The following RRM2B variants were observed in gnomAD, a reference collection of about 807,000 sequenced individuals.
RRM2B encodes ribonucleotide reductase regulatory TP53 inducible subunit M2B.
Under a neutral mutation model 45.9 loss-of-function variants are expected in RRM2B, and 20 were observed. The ratio of observed to expected loss-of-function variants is 0.44; its 90% confidence interval spans 0.31 to 0.63. The LOEUF (loss-of-function observed/expected upper bound fraction) is 0.63, where lower values mean the gene tolerates loss of function less well. RRM2B is among the 30% of genes least tolerant of loss of function. The pLI is 0.09. For missense variants in RRM2B, 320 were observed against 414.7 expected (o/e 0.77, Z 1.98); for synonymous variants, 124 against 132.3 (o/e 0.94, Z 0.43).
At chr8:102,214,766 A>AAAATAAAT (rs28928604) in intron 6 of RRM2B, among the ~76,000 whole-genome samples, 2 of 149,906 alleles carry the variant, frequency 1.3e-5, no homozygotes, top group Admixed American at 6.6e-5. Flanking sequence ...AAAAAAATAA[A>AAAATAAAT]AAATAAATAA....
chr8:102,206,185 A>G lies in RRM2B; in HGVS notation c.*1948T>C, dbSNP rs926593167. On this transcript the variant is annotated 3_prime_UTR_variant, in exon 9 of 9. Coordinates refer to ENST00000251810, the MANE Select transcript of RRM2B (RefSeq NM_015713.5). ...ATATTCAATTAATGAGGAAATAGAC[A>G]AAAGCAAATCAACATAGATGGTAAA... 4.6e-5 allele frequency: 7 copies of G among 152,116 alleles called. No individual in the cohort carries two copies. The highest frequency in any genetic ancestry group is 4.6e-4 in the Admixed American group (7 of 15,272). 9.4% of individuals were successfully genotyped at this position (152,116 alleles called of 1,614,324 possible).
rs1347324619 is a variant in RRM2B at position 102,208,057 on chromosome 8, A to T, written c.*76T>A. The T allele has an allele frequency of 7.6e-7, 1 of 1,314,136 alleles. No homozygotes were observed. The highest frequency in any genetic ancestry group is 1.9e-5 in the Admixed American group (1 of 52,650). The allele number at this position is 1,314,136 out of a possible 1,614,324, so 81.4% of individuals were successfully genotyped here. On this transcript the variant is annotated 3_prime_UTR_variant, in exon 9 of 9. Transcript: ENST00000251810. ...CCAGTCCTTTAAAGGATATACTTAA[A>T]ATTTTTTTTAAGCAGAGGAAAATAG...
intron 6 of RRM2B, among the ~76,000 whole-genome samples, chr8:102,217,669 A>G (rs1232317189): frequency 6.6e-6 from 1 of 152,200 alleles, no homozygotes; most frequent in Non-Finnish European, 1.5e-5. Context: ...AAAGTCTAGC[A>G]GAAGAGAGAA....
rs775258767 is a variant in RRM2B, at chr8:102,225,993, T to C, written c.246A>G (p.Lys82=). The change falls in exon 3 of 9, where the codon AAA becomes AAG. Residue 82 remains lysine (K), a synonymous_variant. Coordinates refer to ENST00000251810, the MANE Select transcript of RRM2B (RefSeq NM_015713.5). ...GAGAGATGAAGTACTTCTCATCTGC[T>C]TTAAGCTTGTTCCAGTGAGGGAGAT... The part of the protein sequence containing the change: ...SKDLPHWNKL[K]ADEKYFISHI... 1.4e-5 allele frequency: 22 copies of C among 1,612,584 alleles called. No homozygotes were observed. The highest frequency in any genetic ancestry group is 1.7e-5 in the Non-Finnish European group (20 of 1,178,878).
At chr8:102,209,605 A>G (rs1810601525) in intron 8 of RRM2B, among the ~76,000 whole-genome samples, 1 of 152,242 alleles carries the variant, frequency 6.6e-6, no homozygotes, top group African/African-American at 2.4e-5. Flanking sequence ...TGGAGTTACC[A>G]TATGATCCAG....
rs1587164352 is a variant in RRM2B at position 102,206,646 on chromosome 8, A to G, written c.*1487T>C. ...GAAACAACTGCTTGAAGGGGTATAC[A>G]GAATACCAAATAATAATGTATTAAA... On this transcript the variant is annotated 3_prime_UTR_variant, in exon 9 of 9. Coordinates refer to ENST00000251810, the MANE Select transcript of RRM2B (RefSeq NM_015713.5). 6.6e-6 allele frequency: 1 copy of G among 152,204 alleles called. No individual in the cohort carries two copies. Among genetic ancestry groups the G allele is most frequent in the Admixed American group, 6.5e-5 (1 of 15,282 alleles). 9.4% of individuals were successfully genotyped at this position (152,204 alleles called of 1,614,324 possible).
intron 5 of RRM2B, among the ~76,000 whole-genome samples, chr8:102,221,325 G>A (rs1445804220): frequency 6.6e-6 from 1 of 152,134 alleles, no homozygotes; most frequent in Non-Finnish European, 1.5e-5. Context: ...GGATCTTAGT[G>A]CAAAAGGCAC....
chr8:102,219,136 C>A, intron 5 of RRM2B, 189 bp from the exon 6 acceptor site: 2 of 610,830 alleles, frequency 3.3e-6, no homozygotes, highest in Non-Finnish European at 2.8e-6. Flanking sequence ...GAAAGGTATG[C>A]CTCCTTCAAA....
At chr8:102,228,180 G>A (rs575217118) in intron 2 of RRM2B, among the ~76,000 whole-genome samples, 1 of 152,316 alleles carries the variant, frequency 6.6e-6, no homozygotes, top group African/African-American at 2.4e-5. Flanking sequence ...AGAAGCAGCT[G>A]GATGTCAGAG....
chr8:102,216,119 G>A (rs549322719), intron 6 of RRM2B, among the ~76,000 whole-genome samples: 2 of 151,962 alleles, frequency 1.3e-5, no homozygotes, highest in African/African-American at 2.4e-5. Context: ...AGTAAAAATA[G>A]CCATGAAACC....
chr8:102,218,236 C>T (rs1306726125), intron 6 of RRM2B, among the ~76,000 whole-genome samples: 5 of 152,060 alleles, frequency 3.3e-5, no homozygotes, highest in Non-Finnish European at 7.4e-5. Flanking sequence ...GCCAGGAGGG[C>T]ATATATAGTG....
chr8:102,212,914 A>G, intron 7 of RRM2B, 25 bp from the exon 8 acceptor site: 1 of 1,153,690 alleles, frequency 8.7e-7, no homozygotes, highest in Non-Finnish European at 1.3e-6. Context: ...AAAACAGAAT[A>G]AAGTACAAAC....
At chr8:102,211,747 A>G (rs1041054090) in intron 8 of RRM2B, among the ~76,000 whole-genome samples, 2 of 152,232 alleles carry the variant, frequency 1.3e-5, no homozygotes, top group Admixed American at 1.3e-4. Context: ...TATAGTTATA[A>G]TCTTGATTTC....
At chr8:102,229,013 T>C (rs928577715) in intron 2 of RRM2B, among the ~76,000 whole-genome samples, 1 of 152,250 alleles carries the variant, frequency 6.6e-6, no homozygotes, top group Non-Finnish European at 1.5e-5. Context: ...CCCAGCACTT[T>C]GGGAGGCCAA....
At chr8:102,236,899 C>T (rs2853230) in intron 1 of RRM2B, among the ~76,000 whole-genome samples, 15,410 of 152,188 alleles carry the variant, frequency 0.1, 825 homozygotes, top group South Asian at 0.11. Flanking sequence ...CAAGCACTTA[C>T]GATGCCCCAA....
Position 102,214,047 on chromosome 8 carries a change from G to T in RRM2B, c.789+7C>A. 1.3e-6 allele frequency: 2 copies of T among 1,589,816 alleles called. No homozygotes were observed. ...GATGTGCTAATTACACAAACTTCCC[G>T]GTTTACCTGCTCAATTTTGACAGCA... On this transcript the variant is annotated splice_region_variant and intron_variant, in intron 7 of 8. Coordinates refer to ENST00000251810, the MANE Select transcript of RRM2B (RefSeq NM_015713.5).
rs1049292303 is a variant in RRM2B, at chr8:102,205,963, T to C, written c.*2170A>G. The stretch of plus-strand genomic sequence containing the variant: ...ACATTAAGGCATCTGTCATTACCTA[T>C]GAAAAAGATTTGGATTCAAAACAAA... On this transcript the variant is annotated 3_prime_UTR_variant, in exon 9 of 9. Transcript: ENST00000251810. The C allele has an allele frequency of 6.6e-6, 1 of 152,074 alleles. No individual in the cohort carries two copies. Among genetic ancestry groups the C allele is most frequent in the African/African-American group, 2.4e-5 (1 of 41,436 alleles). 9.4% of individuals were successfully genotyped at this position (152,074 alleles called of 1,614,324 possible). A position where few individuals can be genotyped will look rare whatever the true frequency, so the allele number is the denominator to read the frequency against.
Position 102,204,745 on chromosome 8 carries a change from A to G in RRM2B, c.*3388T>C, listed in dbSNP as rs2132536512. ...TACACCACACATAATAAAGCTTTCT[A>G]TGTACACAGTAAATAGTAAATAACT... On this transcript the variant is annotated 3_prime_UTR_variant, in exon 9 of 9. Coordinates refer to ENST00000251810, the MANE Select transcript of RRM2B (RefSeq NM_015713.5). 6.6e-6 allele frequency: 1 copy of G among 152,342 alleles called. No individual in the cohort carries two copies. The allele number at this position is 152,342 out of a possible 1,614,324, so 9.4% of individuals were successfully genotyped here.
At chr8:102,235,935 T>C (rs1811114284) in intron 1 of RRM2B, among the ~76,000 whole-genome samples, 1 of 152,086 alleles carries the variant, frequency 6.6e-6, no homozygotes, top group Non-Finnish European at 1.5e-5. Flanking sequence ...GTGATGGAGA[T>C]CCCATTAGTG....
Sources: allele counts gnomAD v4.1 joint callset (sites outside exome capture counted in the v4.1 genomes callset), GRCh38; gene constraint gnomAD v4.1.1; transcripts MANE v1.5; gene names NCBI Gene and HGNC (gene_info 2026-07-23, HGNC 2026-07-21).